LAPTM4B: variants seen among roughly 807,000 people sequenced by gnomAD.
LAPTM4B encodes lysosomal-associated transmembrane protein 4B.
A neutral mutation model predicts 28.5 loss-of-function variants in LAPTM4B; 26 were observed. The ratio of observed to expected loss-of-function variants is 0.91; its 90% CI spans 0.67 to 1.27. The LOEUF (loss-of-function observed/expected upper bound fraction) is 1.27, where lower values mean the gene tolerates loss of function less well. Among genes scored for constraint, LAPTM4B ranks in the 50% most tolerant of loss-of-function variants. The pLI is 0.00. For missense variants in LAPTM4B, 288 were observed against 285.8 expected, an observed-to-expected ratio of 1.01 and a Z score of -0.06; for synonymous variants, 109 against 106.4, an observed-to-expected ratio of 1.02 and a Z score of -0.15.
intron 6 of LAPTM4B, among the ~76,000 whole-genome samples, chr8:97,835,175 C>T (rs1817241909): frequency 6.6e-6 from 1 of 152,184 alleles, no homozygotes; most frequent in African/African-American, 2.4e-5. Context: ...TCATGTCTTG[C>T]TTTCACTTAT....
chr8:97,826,910 A>G (rs1817099200), intron 6 of LAPTM4B, among the ~76,000 whole-genome samples: 2 of 152,240 alleles, frequency 1.3e-5, no homozygotes, highest in African/African-American at 4.8e-5. Context: ...TTAGTGTTCT[A>G]CTGAACTAAT....
chr8:97,778,464 G>A (rs955495938), intron 1 of LAPTM4B, among the ~76,000 whole-genome samples: 7 of 151,868 alleles, frequency 4.6e-5, no homozygotes, highest in African/African-American at 1.7e-4. Flanking sequence ...TTACCCACCC[G>A]CTTCCTCAAG....
Position 97,815,275 on chromosome 8 carries a change from G to C in LAPTM4B, c.212-53G>C, listed in dbSNP as rs112643596. On this transcript the variant is annotated intron_variant, in intron 2 of 6. Transcript: ENST00000521545. ...TGAGAAGAGACTGAAAGTATTCAGT[G>C]GATCCACTACTGATTGTCTTTTTTA... 1,012 of 1,329,022 alleles carry C rather than the reference G, an allele frequency of 7.6e-4. 7 individuals are homozygous for C. The African/African-American group carries it at 0.013, about 17-fold the overall frequency. The allele number at this position is 1,329,022 out of a possible 1,614,324, so 82.3% of individuals were successfully genotyped here.
At chr8:97,783,559 C>T (rs1422964905) in intron 1 of LAPTM4B, among the ~76,000 whole-genome samples, 1 of 152,154 alleles carries the variant, frequency 6.6e-6, no homozygotes, top group African/African-American at 2.4e-5. Flanking sequence ...TCTGAGCACA[C>T]CTCCCCACCC....
At chr8:97,805,962 A>C (rs1263940847) in intron 2 of LAPTM4B, among the ~76,000 whole-genome samples, 1 of 152,170 alleles carries the variant, frequency 6.6e-6, no homozygotes, top group African/African-American at 2.4e-5. Flanking sequence ...TCCCAGCTTG[A>C]AGATCACTGC....
At chr8:97,832,713 T>TTTTTAATTTAG (rs1817201968) in intron 6 of LAPTM4B, among the ~76,000 whole-genome samples, 1 of 143,022 alleles carries the variant, frequency 7.0e-6, no homozygotes, top group Admixed American at 7.0e-5. Flanking sequence ...TTTTATTTTA[T>TTTTTAATTTAG]TTTATTTTTT....
chr8:97,825,600 T>C lies in LAPTM4B; in HGVS notation c.603+447T>C, dbSNP rs368745315. On this transcript the variant is annotated intron_variant, in intron 6 of 6. Transcript: ENST00000521545. ...GTTACTATGTCTTTGTAATTTATCT[T>C]ATGTATGTATTCTTAGTAAAATAAT... Among the ~76,000 whole-genome samples, 253 of 152,382 alleles carry C rather than the reference T, an allele frequency of 1.7e-3. 2 individuals carry two copies. Among genetic ancestry groups the C allele is most frequent in the African/African-American group, 5.9e-3 (246 of 41,602 alleles).
At chr8:97,829,112 C>T (rs1405402106) in intron 6 of LAPTM4B, among the ~76,000 whole-genome samples, 1 of 152,082 alleles carries the variant, frequency 6.6e-6, no homozygotes, top group African/African-American at 2.4e-5. Flanking sequence ...TGCACCCAGA[C>T]CCCTAGGGAT....
At chr8:97,819,986 C>T (rs35208727) in intron 5 of LAPTM4B, among the ~76,000 whole-genome samples, 68,652 of 151,830 alleles carry the variant, frequency 0.45, 15,914 homozygotes, top group East Asian at 0.57. Context: ...CCGCCCACCT[C>T]GGCCTCCCAA....
intron 6 of LAPTM4B, among the ~76,000 whole-genome samples, chr8:97,829,417 C>T (rs1194474347): frequency 1.3e-5 from 2 of 152,038 alleles, no homozygotes; most frequent in Non-Finnish European, 1.5e-5. Flanking sequence ...TGGAATGCTC[C>T]AATTTTCTGG....
chr8:97,819,706 A>G (rs1179038039), intron 5 of LAPTM4B, among the ~76,000 whole-genome samples: 1 of 139,646 alleles, frequency 7.2e-6, no homozygotes, highest in African/African-American at 2.7e-5. Flanking sequence ...ATATTTATGC[A>G]TTTATCTCAA....
At chr8:97,829,559 T>C (rs1418478192) in intron 6 of LAPTM4B, among the ~76,000 whole-genome samples, 1 of 152,076 alleles carries the variant, frequency 6.6e-6, no homozygotes, top group Non-Finnish European at 1.5e-5. Flanking sequence ...TAGTTGTCTG[T>C]GTAGCGAGGT....
At chr8:97,795,965 C>T (rs1275742766) in intron 1 of LAPTM4B, among the ~76,000 whole-genome samples, 1 of 152,066 alleles carries the variant, frequency 6.6e-6, no homozygotes, top group Non-Finnish European at 1.5e-5. Context: ...CTGTTTTCCC[C>T]ACTCACCTTT....
chr8:97,802,349 A>T (rs1816696048), intron 1 of LAPTM4B, among the ~76,000 whole-genome samples: 1 of 152,128 alleles, frequency 6.6e-6, no homozygotes, highest in African/African-American at 2.4e-5. Flanking sequence ...CGGAAATGAG[A>T]GTTCCTCCCC....
In LAPTM4B at chr8:97,805,341, T is replaced by TTTGTTGTTGCAGA; in HGVS notation, c.100-11_100-10insTGTTGTTGCAGAT. The stretch of plus-strand genomic sequence containing the variant: ...CTTAAATTCTTTTTTTTTTTTTTTT[T>TTTGTTGTTGCAGA]TCTTGTTGCAGATCATCAATGCTGT... On this transcript the variant is annotated splice_polypyrimidine_tract_variant and intron_variant, in intron 1 of 6. Transcript: ENST00000521545. 7.4e-7 allele frequency: 1 copy of TTTGTTGTTGCAGA among 1,348,536 alleles called. No homozygotes were observed. The highest frequency in any genetic ancestry group is 1.0e-6 in the Non-Finnish European group (1 of 962,640). The allele number at this position is 1,348,536 out of a possible 1,614,324, so 83.5% of individuals were successfully genotyped here. A position where few individuals can be genotyped will look rare whatever the true frequency, so the allele number is the denominator to read the frequency against.
intron 1 of LAPTM4B, among the ~76,000 whole-genome samples, chr8:97,786,774 G>A (rs1298918133): frequency 6.6e-6 from 1 of 152,000 alleles, no homozygotes; most frequent in Non-Finnish European, 1.5e-5. Context: ...GTGCAGAGAT[G>A]GTGAAGTAGT....
chr8:97,815,523 T>C, intron 3 of LAPTM4B, 122 bp downstream of exon 3: 1 of 765,370 alleles, frequency 1.3e-6, no homozygotes, highest in African/African-American at 1.8e-5. Context: ...TTTAAATCTC[T>C]CGTTTGTATT....
chr8:97,781,597 G>A (rs1214040525), intron 1 of LAPTM4B, among the ~76,000 whole-genome samples: 1 of 151,974 alleles, frequency 6.6e-6, no homozygotes, highest in African/African-American at 2.4e-5. Context: ...GTTAAATGTA[G>A]TTTATTGAGT....
At chr8:97,780,646 A>G (rs1370932050) in intron 1 of LAPTM4B, among the ~76,000 whole-genome samples, 3 of 152,086 alleles carry the variant, frequency 2.0e-5, no homozygotes, top group African/African-American at 7.2e-5. Context: ...AGATTTTCTT[A>G]TTCCCATTTT....
Sources: allele counts gnomAD v4.1 joint callset (sites outside exome capture counted in the v4.1 genomes callset), GRCh38; gene constraint gnomAD v4.1.1; transcripts MANE v1.5; gene names NCBI Gene and HGNC (gene_info 2026-07-23, HGNC 2026-07-21).